CSMD3: variants seen among roughly 807,000 people sequenced by gnomAD.
The protein encoded by CSMD3 is CUB and Sushi multiple domains 3.
In CSMD3, 177 loss-of-function variants were observed where a neutral mutation model predicts 435.2. The observed-to-expected ratio is 0.41, with a 90% confidence interval of 0.36 to 0.46. The LOEUF (loss-of-function observed/expected upper bound fraction) is 0.46. Ranked by LOEUF, CSMD3 falls within the 20% of genes least tolerant of loss-of-function variation. The pLI, the probability that CSMD3 is intolerant of heterozygous loss-of-function variation, is 0.34. For missense variants in CSMD3, 4,265 were observed against 4,504.6 expected, an observed-to-expected ratio of 0.95 and a Z score of 1.52; for synonymous variants, 1,656 against 1,520.5, an observed-to-expected ratio of 1.09 and a Z score of -2.07.
At chr8:112,378,822 A>C (rs1829198961) in intron 38 of CSMD3, among the ~76,000 whole-genome samples, 1 of 152,212 alleles carries the variant, frequency 6.6e-6, no homozygotes, top group African/African-American at 2.4e-5. Flanking sequence ...CAACATAAAT[A>C]AATGATAAAT....
intron 22 of CSMD3, among the ~76,000 whole-genome samples, chr8:112,623,962 T>TA (rs1475968660): frequency 6.6e-6 from 1 of 152,010 alleles, no homozygotes; most frequent in East Asian, 1.9e-4. Context: ...ATCTAGATGT[T>TA]AAGAGAGCTT....
intron 65 of CSMD3, among the ~76,000 whole-genome samples, chr8:112,243,400 C>T (rs148422035): frequency 1.6e-4 from 25 of 152,140 alleles, no homozygotes; most frequent in Non-Finnish European, 2.8e-4. Flanking sequence ...TTGTTGATGA[C>T]CTTACCAAAA....
intron 22 of CSMD3, among the ~76,000 whole-genome samples, chr8:112,589,266 T>C (rs1216502482): frequency 6.6e-6 from 1 of 152,112 alleles, no homozygotes; most frequent in Admixed American, 6.6e-5. Context: ...GACCTTGCAA[T>C]TTAGCTGCCC....
intron 37 of CSMD3, among the ~76,000 whole-genome samples, chr8:112,381,152 G>C (rs1829429741): frequency 6.6e-6 from 1 of 151,740 alleles, no homozygotes; most frequent in South Asian, 2.1e-4. Flanking sequence ...ATTAAAGTTA[G>C]ACAGCTAGAT....
chr8:112,995,786 G>T (rs983339358), intron 6 of CSMD3, among the ~76,000 whole-genome samples: 1 of 151,368 alleles, frequency 6.6e-6, no homozygotes, highest in Non-Finnish European at 1.5e-5. Flanking sequence ...CAATATAATT[G>T]TTCGTTGAAT....
At chr8:113,104,559 T>C (rs890315377) in intron 4 of CSMD3, among the ~76,000 whole-genome samples, 2 of 152,022 alleles carry the variant, frequency 1.3e-5, no homozygotes, top group African/African-American at 4.8e-5. Flanking sequence ...AGAAGAAAAT[T>C]GAGCAACTGG....
In CSMD3 at chr8:112,318,786, A is replaced by G. The variant is rs78926727; in HGVS notation, c.7360+51T>C. On this transcript the variant is annotated intron_variant, in intron 47 of 70. Coordinates refer to ENST00000297405, the MANE Select transcript of CSMD3 (RefSeq NM_198123.2). ...TCTCAATCATACCTATATTAAGTTA[A>G]ACATAAAGCAAATATTTAAGAAATA... 1,678 of 1,244,516 alleles carry G rather than the reference A, an allele frequency of 1.3e-3. 22 individuals are homozygous for G. The African/African-American group carries it at 0.023, about 17-fold the overall frequency. 77.1% of individuals were successfully genotyped at this position (1,244,516 alleles called of 1,614,324 possible). A position where few individuals can be genotyped will look rare whatever the true frequency, so the allele number is the denominator to read the frequency against.
intron 30 of CSMD3, among the ~76,000 whole-genome samples, 198 bp downstream of exon 30, chr8:112,503,592 A>G (rs1822202090): frequency 6.6e-6 from 1 of 152,174 alleles, no homozygotes; most frequent in East Asian, 1.9e-4. Context: ...TTTGGTAGTA[A>G]TTAGAGAAAT....
chr8:112,306,018 G>C lies in CSMD3; in HGVS notation c.8060C>G (p.Pro2687Arg), dbSNP rs2130786248. ...CTTGACACACATACCAACACAGCGAGGGGTCTTGTTATGATTGCTCCATGT... is the reference window on the plus strand; with the variant it reads ...CTTGACACACATACCAACACAGCGACGGGTCTTGTTATGATTGCTCCATGT... ...DGTWSNHNKT[P>R]RCVVVTCPSI... Residue 2687 changes from proline (P) to arginine (R), a missense_variant, in exon 51 of 71, where the codon CCT becomes CGT. By Grantham distance (103) the Pro-to-Arg change is moderately radical. This residue lies in a region of CSMD3 where 3,255 missense variants were observed against 3,380.2 expected (regional missense o/e 0.96). Coordinates refer to ENST00000297405, the MANE Select transcript of CSMD3 (RefSeq NM_198123.2). 6.2e-7 allele frequency: 1 copy of C among 1,613,524 alleles called. No homozygotes were observed. Among genetic ancestry groups the C allele is most frequent in the Non-Finnish European group, 8.5e-7 (1 of 1,179,558 alleles).
chr8:113,059,684 A>G (rs2088518422), intron 5 of CSMD3, among the ~76,000 whole-genome samples: 1 of 152,194 alleles, frequency 6.6e-6, no homozygotes, highest in African/African-American at 2.4e-5. Flanking sequence ...TAATTAGCTT[A>G]AGTTTCAGAA....
intron 60 of CSMD3, among the ~76,000 whole-genome samples, chr8:112,264,361 T>A (rs1039970063): frequency 1.4e-4 from 21 of 152,246 alleles, no homozygotes; most frequent in South Asian, 6.2e-4. Context: ...TTAATTTTTT[T>A]AAAAAATGTA....
At chr8:113,330,039 G>C (rs1050671248) in intron 1 of CSMD3, among the ~76,000 whole-genome samples, 2 of 151,958 alleles carry the variant, frequency 1.3e-5, no homozygotes, top group African/African-American at 4.8e-5. Context: ...TGAACATGAA[G>C]AGAACCAAAA....
In CSMD3 at chr8:113,248,477, GTA is replaced by G. The variant is rs1491296994; in HGVS notation, c.514+30113_514+30114del. Among the ~76,000 whole-genome samples, 64 of 133,006 alleles carry G rather than the reference GTA, an allele frequency of 4.8e-4. 1 individual carries two copies. The South Asian group carries it at 0.013, about 27-fold the overall frequency. The allele number at this position is 133,006 out of a possible 152,430, so 87.3% of individuals were successfully genotyped here. ...ATATATGTGTGTGTGTGATATATAT[GTA>G]TATATACATATATATACACACACAC... On this transcript the variant is annotated intron_variant, in intron 3 of 70. Coordinates refer to ENST00000297405, the MANE Select transcript of CSMD3 (RefSeq NM_198123.2).
chr8:112,482,858 A>G (rs1414585806), intron 31 of CSMD3, among the ~76,000 whole-genome samples: 1 of 152,152 alleles, frequency 6.6e-6, no homozygotes, highest in Non-Finnish European at 1.5e-5. Flanking sequence ...AGAAACCACC[A>G]TTACTTTTAG....
At chr8:113,405,209 G>A (rs1337925557) in intron 1 of CSMD3, among the ~76,000 whole-genome samples, 1 of 151,408 alleles carries the variant, frequency 6.6e-6, no homozygotes, top group Non-Finnish European at 1.5e-5. Context: ...ATAATATTAA[G>A]GCTAAATTAT....
At chr8:113,338,331 T>C (rs2094092504) in intron 1 of CSMD3, among the ~76,000 whole-genome samples, 1 of 151,920 alleles carries the variant, frequency 6.6e-6, no homozygotes, top group Admixed American at 6.6e-5. Context: ...ATTTGCAAAT[T>C]CCTCAATAGA....
intron 38 of CSMD3, among the ~76,000 whole-genome samples, chr8:112,361,666 A>C (rs1383313333): frequency 6.9e-6 from 1 of 145,468 alleles, no homozygotes; most frequent in Non-Finnish European, 1.5e-5. Flanking sequence ...TAACGCATTG[A>C]GATACGAAGA....
At chr8:112,299,910 C>T (rs778216566) in intron 53 of CSMD3, among the ~76,000 whole-genome samples, 3 of 151,554 alleles carry the variant, frequency 2.0e-5, no homozygotes, top group Non-Finnish European at 4.4e-5. Flanking sequence ...TCCTGTTATG[C>T]CCTGTCTTTC....
At chr8:112,230,497 G>C (rs1407322231) in intron 69 of CSMD3, among the ~76,000 whole-genome samples, 1 of 152,020 alleles carries the variant, frequency 6.6e-6, no homozygotes, top group Admixed American at 6.6e-5. Context: ...TTTTTAAAAA[G>C]TTCATTTTTG....
Sources: gnomAD v4.1 joint callset for allele counts (sites outside exome capture counted in the v4.1 genomes callset) on GRCh38, gnomAD v4.1.1 for gene constraint, gnomAD v4.1.1 regional missense constraint, MANE v1.5 for transcripts, NCBI Gene and HGNC (gene_info 2026-07-23, HGNC 2026-07-21) for gene names.